The following THOC7 variants were observed in gnomAD, a reference collection of about 807,000 sequenced individuals.
THOC7 encodes THO complex subunit 7, also known as NIF3L1-binding protein 1.
Under a neutral mutation model 33.1 loss-of-function variants are expected in THOC7, and 22 were observed. The observed-to-expected ratio is 0.66, with a 90% CI of 0.47 to 0.95. The LOEUF is 0.95. Ranked by LOEUF, THOC7 falls within the 40% of genes least tolerant of loss-of-function variation. The pLI, the probability that THOC7 is intolerant of heterozygous loss-of-function variation, is 0.00. For missense variants in THOC7, 184 were observed against 245.3 expected (o/e 0.75, Z 1.67); for synonymous variants, 77 against 76.8 (o/e 1.00, Z -0.01).
intron 6 of THOC7, 27 bp from the exon 7 acceptor site, chr3:63,835,250 CA>C (rs1701605520): frequency 6.2e-7 from 1 of 1,612,942 alleles, no homozygotes; most frequent in African/African-American, 1.3e-5. Context: ...AAAATTTATA[CA>C]AATGACCTGT....
chr3:63,863,811 CGGCGGCGGCGGCGCAAGCTGA>C (rs1253296713), upstream of THOC7: 25 of 1,234,166 alleles, frequency 2.0e-5, no homozygotes, highest in South Asian at 2.3e-4. Flanking sequence ...GCGGCGGCGG[CGGCGGCGGCGGCGCAAGCTGA>C]GGCGGCGGTT....
intron 1 of THOC7, among the ~76,000 whole-genome samples, chr3:63,847,828 C>A (rs1025086981): frequency 6.6e-6 from 1 of 152,182 alleles, no homozygotes; most frequent in East Asian, 1.9e-4. Context: ...AACTGTAAAC[C>A]AAAAATAAAA....
chr3:63,863,845 C>T, upstream of THOC7: 5 of 1,219,170 alleles, frequency 4.1e-6, no homozygotes, highest in Non-Finnish European at 5.1e-6. Flanking sequence ...CGGCGGTTGG[C>T]GGCGGCGGAG....
intron 1 of THOC7, among the ~76,000 whole-genome samples, chr3:63,851,748 G>A (rs542103309): frequency 6.6e-6 from 1 of 152,156 alleles, no homozygotes; most frequent in Non-Finnish European, 1.5e-5. Flanking sequence ...TGTCTGTTCT[G>A]TGCTTCTACG....
At chr3:63,845,106 G>A (rs1701860214) in intron 1 of THOC7, 3 of 689,326 alleles carry the variant, frequency 4.4e-6, no homozygotes, top group East Asian at 5.4e-5. Context: ...TCTTTTCTGG[G>A]GGTGGGGGGT....
At chr3:63,863,718 G>C in intron 1 of THOC7, 54 bp downstream of exon 1, 1 of 1,249,148 alleles carries the variant, frequency 8.0e-7, no homozygotes, top group Non-Finnish European at 1.0e-6. Flanking sequence ...GGGGTCTCAG[G>C]GGAGGCCCAG....
chr3:63,834,129 T>C lies in THOC7; in HGVS notation c.*3A>G, dbSNP rs759398947. On this transcript the variant is annotated 3_prime_UTR_variant, in exon 8 of 8. Coordinates refer to ENST00000295899, the MANE Select transcript of THOC7 (RefSeq NM_025075.4). ...TCCTGGGAGTGGTGGGCAATTAGCC[T>C]GTCTATGGCTTAGGATCTGTTTCCA... The C allele has an allele frequency of 1.4e-5, 23 of 1,613,960 alleles. No individual in the cohort carries two copies. The highest frequency in any genetic ancestry group is 1.9e-5 in the Non-Finnish European group (22 of 1,179,964).
At chr3:63,845,740 A>C (rs985177251) in intron 1 of THOC7, among the ~76,000 whole-genome samples, 1 of 152,194 alleles carries the variant, frequency 6.6e-6, no homozygotes, top group South Asian at 2.1e-4. Context: ...TGGCTTTGGA[A>C]GACCCAATAT....
At chr3:63,842,956 AT>A (rs529498406) in intron 1 of THOC7, among the ~76,000 whole-genome samples, 128 of 143,464 alleles carry the variant, frequency 8.9e-4, no homozygotes, top group Middle Eastern at 3.6e-3. Flanking sequence ...TAATTTTTGT[AT>A]TTTTTTTTTT....
At position 63,839,720 on chromosome 3, in the gene THOC7, G is replaced by A. The variant is rs1158113538; in HGVS notation, c.73C>T (p.Arg25Trp). 3 of 1,613,012 alleles carry A rather than the reference G, an allele frequency of 1.9e-6. No homozygotes were observed. Among genetic ancestry groups the A allele is most frequent in the Non-Finnish European group, 2.5e-6 (3 of 1,179,942 alleles). The change falls in exon 2 of 8, where the codon CGG (arginine) becomes TGG (tryptophan). Residue 25 changes from arginine (R) to tryptophan (W), a missense_variant. This residue lies in a region of THOC7 where 157 missense variants were observed against 201.3 expected (regional missense o/e 0.78). Transcript: ENST00000295899. Reference protein sequence around the residue: ...LIDGDGAGDDRRINLLVKSFI... With the variant: ...LIDGDGAGDDWRINLLVKSFI... ...CTCTTCACTAGCAGATTAATTCTCC[G>A]ATCATCTCCAGCACCATCTCCATCA...
chr3:63,850,348 G>A (rs1038341238), intron 1 of THOC7, among the ~76,000 whole-genome samples: 5 of 150,186 alleles, frequency 3.3e-5, no homozygotes, highest in Admixed American at 2.0e-4. Flanking sequence ...TTATAGGCAC[G>A]TACCACCACA....
At chr3:63,839,823 G>T in intron 1 of THOC7, 50 bp from the exon 2 acceptor site, 1 of 1,465,118 alleles carries the variant, frequency 6.8e-7, no homozygotes, top group Non-Finnish European at 9.5e-7. Context: ...TAACTTTCAA[G>T]TACAAATAAC....
chr3:63,858,694 A>G (rs1702155185), intron 1 of THOC7, among the ~76,000 whole-genome samples: 2 of 152,236 alleles, frequency 1.3e-5, no homozygotes, highest in Non-Finnish European at 2.9e-5. Context: ...AGTTTAAATT[A>G]ACAGTGACAA....
chr3:63,835,105 C>T (rs1341428115), intron 7 of THOC7, 49 bp downstream of exon 7: 4 of 1,572,688 alleles, frequency 2.5e-6, no homozygotes, highest in Middle Eastern at 1.7e-4. Context: ...ATCCCTGGGT[C>T]ATTTAAAAAA....
intron 1 of THOC7, among the ~76,000 whole-genome samples, chr3:63,842,317 T>G (rs1434035817): frequency 6.6e-6 from 1 of 151,182 alleles, no homozygotes. Context: ...CAATAACAAG[T>G]GTTGGTGAGG....
At chr3:63,841,573 T>C (rs777377394) in intron 1 of THOC7, among the ~76,000 whole-genome samples, 11 of 152,208 alleles carry the variant, frequency 7.2e-5, no homozygotes, top group Non-Finnish European at 1.3e-4. Context: ...TTAAAATATA[T>C]TGTGATAATA....
intron 1 of THOC7, among the ~76,000 whole-genome samples, chr3:63,842,274 C>T (rs553616122): frequency 2.4e-4 from 37 of 152,072 alleles, no homozygotes; most frequent in African/African-American, 8.7e-4. Context: ...ACTAGCTCAC[C>T]CCACTGAGAG....
chr3:63,838,280 T>C (rs1701675461), intron 3 of THOC7, 92 bp downstream of exon 3: 16 of 1,030,576 alleles, frequency 1.6e-5, no homozygotes, highest in Non-Finnish European at 1.9e-5. Context: ...ATTGTTATTA[T>C]TCTTTTACCA....
chr3:63,863,832 A>AGGCGGCGGTT, upstream of THOC7: 2 of 1,218,592 alleles, frequency 1.6e-6, no homozygotes, highest in South Asian at 4.0e-5. Flanking sequence ...GCGCAAGCTG[A>AGGCGGCGGTT]GGCGGCGGTT....
Sources: allele counts gnomAD v4.1 joint callset (sites outside exome capture counted in the v4.1 genomes callset), GRCh38; gene constraint gnomAD v4.1.1; regional missense constraint gnomAD v4.1.1; transcripts MANE v1.5; gene names NCBI Gene and HGNC (gene_info 2026-07-23, HGNC 2026-07-21).